Variants in COL4A5 observed in about 807,000 individuals in gnomAD.
The protein encoded by COL4A5 is collagen alpha-5(IV) chain.
COL4A5 carries 26 observed loss-of-function variants against 130.2 expected under a neutral mutation model. The ratio of observed to expected loss-of-function variants is 0.20; its 90% CI spans 0.15 to 0.28. The LOEUF (loss-of-function observed/expected upper bound fraction) is 0.28. Ranked by LOEUF, COL4A5 falls within the 10% of genes least tolerant of loss-of-function variation. The pLI is 1.00. For synonymous variants in COL4A5, 496 were observed against 439.6 expected, an observed-to-expected ratio of 1.13 and a Z score of -1.60; for missense variants, 1,131 against 1,344.3, an observed-to-expected ratio of 0.84 and a Z score of 2.48.
chrX:108,664,997 C>T (rs2068047037), intron 37 of COL4A5, among the ~76,000 whole-genome samples: 1 of 112,063 alleles, frequency 8.9e-6, no homozygotes, highest in Admixed American at 9.5e-5. Flanking sequence ...TTAAATAAAA[C>T]ACAACATATA....
chrX:108,546,831 C>G (rs1030215966), intron 2 of COL4A5, among the ~76,000 whole-genome samples: 1 of 111,618 alleles, frequency 9.0e-6, no homozygotes, highest in African/African-American at 3.3e-5. Context: ...TTTCTCTAAA[C>G]TTCTCTTCTC....
At position 108,439,987 on chromosome X, in the gene COL4A5, T is replaced by G. The variant is rs2064368430; in HGVS notation, c.-139T>G. 2.1e-6 allele frequency: 1 copy of G among 483,947 alleles called. No individual in the cohort carries two copies. Among genetic ancestry groups the G allele is most frequent in the African/African-American group, 2.5e-5 (1 of 40,684 alleles). The allele number at this position is 483,947 out of a possible 1,213,427, so 39.9% of individuals were successfully genotyped here. A position where few individuals can be genotyped will look rare whatever the true frequency, so the allele number is the denominator to read the frequency against. On this transcript the variant is annotated 5_prime_UTR_variant, in exon 1 of 53. Transcript: ENST00000328300. ...TTTTTTTCTTCCACTCTTAAAAAGC[T>G]TCTTTCTCTTCACCCAAGCCTCACT...
intron 8 of COL4A5, among the ~76,000 whole-genome samples, chrX:108,573,099 C>T (rs1318371579): frequency 1.8e-5 from 2 of 109,947 alleles, no homozygotes; most frequent in Non-Finnish European, 3.8e-5. Context: ...TCTTTGACTA[C>T]CCAAGCTAAT....
At position 108,575,943 on chromosome X, in the gene COL4A5, A is replaced by G. The variant is rs145970300; in HGVS notation, c.580A>G (p.Ile194Val). ...TGGTCCCACTGGTATACCAGGGCCAATTGGTCCCCCAGGACCACCAGGTTT... is the reference window on the plus strand; with the variant it reads ...TGGTCCCACTGGTATACCAGGGCCAGTTGGTCCCCCAGGACCACCAGGTTT... ...LPGPTGIPGP[I>V]GPPGPPGLMG... Residue 194 changes from isoleucine to valine, a missense_variant, in exon 10 of 53, where the codon ATT becomes GTT. Transcript: ENST00000328300. 1,188 of 1,192,874 alleles carry G rather than the reference A, an allele frequency of 1.0e-3. 12 individuals are homozygous for G. The East Asian group carries it at 0.014, about 14-fold the overall frequency.
intron 36 of COL4A5, among the ~76,000 whole-genome samples, chrX:108,635,345 A>C (rs984548017): frequency 1.8e-5 from 2 of 111,976 alleles, no homozygotes; most frequent in African/African-American, 3.2e-5. Context: ...CATTCTATAC[A>C]TAGTATTTCT....
At chrX:108,670,542 C>CT in intron 42 of COL4A5, 1 of 328,875 alleles carries the variant, frequency 3.0e-6, no homozygotes, top group South Asian at 4.7e-5. Context: ...TCTTTGGAGT[C>CT]TGTTTCTTAT....
chrX:108,483,308 G>T (rs1307090469), intron 1 of COL4A5, among the ~76,000 whole-genome samples: 1 of 110,461 alleles, frequency 9.1e-6, no homozygotes, highest in African/African-American at 3.3e-5. Context: ...ACAATATGCT[G>T]TCTGCAACCT....
intron 1 of COL4A5, among the ~76,000 whole-genome samples, chrX:108,443,732 C>T (rs765401092): frequency 1.2e-4 from 13 of 111,551 alleles, no homozygotes; most frequent in Non-Finnish European, 5.6e-5. Context: ...ATGGTGTCTG[C>T]TAGGTTTATT....
intron 1 of COL4A5, among the ~76,000 whole-genome samples, chrX:108,502,500 T>TTCTCGAAC (rs1285011647): frequency 9.0e-6 from 1 of 110,529 alleles, no homozygotes; most frequent in East Asian, 2.9e-4. Context: ...AGTCAGGCTA[T>TTCTCGAAC]TCTCGAACTC....
intron 36 of COL4A5, among the ~76,000 whole-genome samples, chrX:108,628,205 A>G (rs1390693829): frequency 1.8e-5 from 2 of 111,093 alleles, no homozygotes; most frequent in Admixed American, 9.6e-5. Flanking sequence ...GTTCATGATT[A>G]CAAACATATT....
chrX:108,439,981 A>G lies in COL4A5; in HGVS notation c.-145A>G. ...TTCTTTTTTTTTTCTTCCACTCTTA[A>G]AAAGCTTCTTTCTCTTCACCCAAGC... On this transcript the variant is annotated 5_prime_UTR_variant, in exon 1 of 53. Coordinates refer to ENST00000328300, the MANE Select transcript of COL4A5 (RefSeq NM_033380.3). 2.1e-6 allele frequency: 1 copy of G among 478,311 alleles called. No homozygotes were observed. Among genetic ancestry groups the G allele is most frequent in the South Asian group, 3.0e-5 (1 of 33,205 alleles). The allele number at this position is 478,311 out of a possible 1,213,427, so 39.4% of individuals were successfully genotyped here. A position where few individuals can be genotyped will look rare whatever the true frequency, so the allele number is the denominator to read the frequency against.
intron 1 of COL4A5, among the ~76,000 whole-genome samples, chrX:108,527,018 C>T (rs141369768): frequency 0.03 from 3,267 of 109,464 alleles, 118 homozygotes; most frequent in African/African-American, 0.1. Context: ...GGTCCTCCCA[C>T]CTTGGCCTCC....
chrX:108,625,873 G>A, intron 35 of COL4A5, 79 bp downstream of exon 35: 2 of 732,454 alleles, frequency 2.7e-6, no homozygotes, highest in Non-Finnish European at 4.3e-6. Flanking sequence ...TCAGAAAAGA[G>A]GCTGGTGTTG....
At chrX:108,557,134 A>C (rs2065833896) in intron 2 of COL4A5, among the ~76,000 whole-genome samples, 2 of 111,031 alleles carry the variant, frequency 1.8e-5, no homozygotes, top group South Asian at 7.7e-4. Context: ...GATATGCTGT[A>C]AATACCAGCT....
At chrX:108,452,599 A>C (rs1047828394) in intron 1 of COL4A5, among the ~76,000 whole-genome samples, 3 of 111,714 alleles carry the variant, frequency 2.7e-5, no homozygotes, top group Non-Finnish European at 5.6e-5. Context: ...TGTGAATGGG[A>C]GTTCCCTCAT....
chrX:108,634,822 A>G (rs1436371444), intron 36 of COL4A5, among the ~76,000 whole-genome samples: 1 of 111,264 alleles, frequency 9.0e-6, no homozygotes, highest in Non-Finnish European at 1.9e-5. Context: ...ATTGATTATT[A>G]AGATCACTTT....
chrX:108,560,809 C>A (rs1270614782), intron 3 of COL4A5, among the ~76,000 whole-genome samples: 1 of 111,791 alleles, frequency 8.9e-6, no homozygotes, highest in Non-Finnish European at 1.9e-5. Flanking sequence ...TCATTGGTTA[C>A]CATGGAGATC....
At chrX:108,598,252 A>C (rs774278716) in intron 24 of COL4A5, among the ~76,000 whole-genome samples, 2 of 111,744 alleles carry the variant, frequency 1.8e-5, no homozygotes, top group South Asian at 3.7e-4. Context: ...ACTTGTTTCT[A>C]TATATATAGT....
chrX:108,652,015 A>G (rs1358513627), intron 36 of COL4A5, among the ~76,000 whole-genome samples: 1 of 111,872 alleles, frequency 8.9e-6, no homozygotes, highest in Non-Finnish European at 1.9e-5. Flanking sequence ...GTTATACAAT[A>G]TGGTGCCTAC....
Sources: allele counts gnomAD v4.1 joint callset (sites outside exome capture counted in the v4.1 genomes callset), GRCh38; gene constraint gnomAD v4.1.1; transcripts MANE v1.5; gene names NCBI Gene and HGNC (gene_info 2026-07-23, HGNC 2026-07-21).